The following LRRC8A variants were observed in gnomAD, a reference collection of about 807,000 sequenced individuals.
LRRC8A encodes the protein leucine rich repeat containing 8 VRAC subunit A.
In LRRC8A, 24 loss-of-function variants were observed where a neutral mutation model predicts 52.5. The ratio of observed to expected loss-of-function variants is 0.46; its 90% CI spans 0.33 to 0.64. LRRC8A has a LOEUF of 0.64. Ranked by LOEUF, LRRC8A falls within the 30% of genes least tolerant of loss-of-function variation. LRRC8A has a pLI of 0.02. For synonymous variants in LRRC8A, 492 were observed against 494.2 expected (o/e 1.00, Z 0.06); for missense variants, 677 against 1,094.7 (o/e 0.62, Z 5.38).
Position 128,916,140 on chromosome 9 carries a change from G to A in LRRC8A, c.2202G>A (p.Arg734=). 6.2e-7 allele frequency: 1 copy of A among 1,612,890 alleles called. No homozygotes were observed. Among genetic ancestry groups the A allele is most frequent in the Non-Finnish European group, 8.5e-7 (1 of 1,179,472 alleles). The change falls in exon 4 of 4, where the codon CGG becomes CGA. Residue 734 remains arginine (R), a synonymous_variant. Coordinates refer to ENST00000372600, the MANE Select transcript of LRRC8A (RefSeq NM_019594.4). This position sits in a 1 kb window ranked among gnomAD's most constrained non-coding sequence, Gnocchi z 6.1. ...PPELFQCRKL[R]ALHLGNNVLQ... ...AGCTCTTCCAGTGCCGGAAGCTGCG[G>A]GCCCTGCACCTGGGCAACAACGTGC...
At chr9:128,883,009 C>T (rs1839168202) in intron 1 of LRRC8A, 1 of 377,794 alleles carries the variant, frequency 2.6e-6, no homozygotes, top group Non-Finnish European at 4.7e-6. Flanking sequence ...ACTGCTTCTT[C>T]CCCTTGATCT....
chr9:128,899,287 G>A lies in LRRC8A; in HGVS notation c.-8-7870G>A, dbSNP rs940951343. On this transcript the variant is annotated intron_variant, in intron 2 of 3. Coordinates refer to ENST00000372600, the MANE Select transcript of LRRC8A (RefSeq NM_019594.4). The surrounding 1 kb of genome is among the most constrained non-coding windows in gnomAD (Gnocchi z 4.0). ...GGGAGGATAAGCAAGGGCACTTTCCGTAAGGCAGAGATAGCCCAGCCACCC... is the reference window on the plus strand; with the variant it reads ...GGGAGGATAAGCAAGGGCACTTTCCATAAGGCAGAGATAGCCCAGCCACCC... 5.9e-5 allele frequency among the ~76,000 whole-genome samples: 9 copies of A among 152,134 alleles called. No individual in the cohort carries two copies. The highest frequency in any genetic ancestry group is 8.8e-5 in the Non-Finnish European group (6 of 68,028).
Position 128,882,135 on chromosome 9 carries a change from G to A in LRRC8A, c.-231G>A, listed in dbSNP as rs1351444106. 6.6e-6 allele frequency: 1 copy of A among 152,348 alleles called. No individual in the cohort carries two copies. The highest frequency in any genetic ancestry group is 1.5e-5 in the Non-Finnish European group (1 of 68,112). The allele number at this position is 152,348 out of a possible 1,614,324, so 9.4% of individuals were successfully genotyped here. On this transcript the variant is annotated 5_prime_UTR_variant, in exon 1 of 4. In the 5' UTR this introduces an upstream ATG that the reference lacks. Transcript: ENST00000372600. ...TCACTTCCGGGGCGGAGGAGGCTGA[G>A]TGGTGCAGTGAGGGACAAACAAAAG...
chr9:128,887,799 G>A (rs1460420549), intron 2 of LRRC8A, among the ~76,000 whole-genome samples: 3 of 151,932 alleles, frequency 2.0e-5, no homozygotes, highest in Non-Finnish European at 2.9e-5. Context: ...CCGCCACCAC[G>A]CCCGGCTAAT....
chr9:128,915,959 G>A, intron 3 of LRRC8A, 137 bp from the exon 4 acceptor site: 1 of 1,067,888 alleles, frequency 9.4e-7, no homozygotes, highest in East Asian at 2.4e-5. Flanking sequence ...GCCAGAGTTT[G>A]GCCCAGATTG....
intron 2 of LRRC8A, among the ~76,000 whole-genome samples, chr9:128,903,079 T>TA (rs1245306802): frequency 6.6e-6 from 1 of 152,168 alleles, no homozygotes; most frequent in Non-Finnish European, 1.5e-5. Flanking sequence ...GGTTTGTTCT[T>TA]ACTCTACTCT....
At chr9:128,891,129 G>C (rs369167814) in intron 2 of LRRC8A, among the ~76,000 whole-genome samples, 1 of 152,056 alleles carries the variant, frequency 6.6e-6, no homozygotes, top group Non-Finnish European at 1.5e-5. Flanking sequence ...AAAATCAGCC[G>C]GGTATGGTGA....
chr9:128,890,324 A>G (rs761914946), intron 2 of LRRC8A, among the ~76,000 whole-genome samples: 1 of 152,096 alleles, frequency 6.6e-6, no homozygotes, highest in Admixed American at 6.6e-5. Flanking sequence ...GTCTACATCT[A>G]AACGTCTCTT....
In LRRC8A at chr9:128,882,238, G is replaced by C. The variant is rs951169612; in HGVS notation, c.-128G>C. 6.5e-6 allele frequency: 1 copy of C among 152,894 alleles called. No homozygotes were observed. The highest frequency in any genetic ancestry group is 2.4e-5 in the African/African-American group (1 of 41,422). 9.5% of individuals were successfully genotyped at this position (152,894 alleles called of 1,614,324 possible). On this transcript the variant is annotated 5_prime_UTR_variant, in exon 1 of 4. Coordinates refer to ENST00000372600, the MANE Select transcript of LRRC8A (RefSeq NM_019594.4). ...GGGGCTGCCTGCCGGGCGGCCGGGC[G>C]CGGCGAGCCCAGGTGAGTGGACGGG...
chr9:128,888,378 C>T (rs1039647436), intron 2 of LRRC8A, among the ~76,000 whole-genome samples: 6 of 152,244 alleles, frequency 3.9e-5, no homozygotes, highest in Admixed American at 3.9e-4. Context: ...AGGGGACACA[C>T]ATGAATCAAG....
intron 2 of LRRC8A, among the ~76,000 whole-genome samples, chr9:128,891,675 A>T (rs1839626766): frequency 6.6e-6 from 1 of 152,210 alleles, no homozygotes; most frequent in African/African-American, 2.4e-5. Context: ...TCCTTATAGC[A>T]GTACCCGTGA....
intron 3 of LRRC8A, among the ~76,000 whole-genome samples, chr9:128,912,502 T>G (rs1840593676): frequency 6.1e-5 from 1 of 16,298 alleles, no homozygotes; most frequent in Non-Finnish European, 2.1e-4. Context: ...GAGGTGGGGC[T>G]ATGGGGGGGG....
Position 128,917,023 on chromosome 9 carries a change from G to GT in LRRC8A, c.*658dup, listed in dbSNP as rs1442977067. 4 of 138,906 alleles carry GT rather than the reference G, an allele frequency of 2.9e-5. No homozygotes were observed. The highest frequency in any genetic ancestry group is 4.7e-4 in the South Asian group (2 of 4,272). The allele number at this position is 138,906 out of a possible 1,614,324, so 8.6% of individuals were successfully genotyped here. On this transcript the variant is annotated 3_prime_UTR_variant, in exon 4 of 4. Coordinates refer to ENST00000372600, the MANE Select transcript of LRRC8A (RefSeq NM_019594.4). ...CTCTTCAGTATTTGTGGCAGTTTTA[G>GT]TTTTTTGTTTTTTTTTTTTTAATCA...
In LRRC8A at chr9:128,882,657, C is replaced by T. The variant is rs201657346; in HGVS notation, c.-116+407C>T. On this transcript the variant is annotated intron_variant, in intron 1 of 3. Transcript: ENST00000372600. Reference sequence around the variant, plus strand: ...TTGCCATTTCTTTTTCAAAGATTTCCTTAGCTGTCTTCTCCTGAGTTCCTG... The same window carrying T: ...TTGCCATTTCTTTTTCAAAGATTTCTTTAGCTGTCTTCTCCTGAGTTCCTG... The T allele has an allele frequency of 2.0e-5, 8 of 399,220 alleles. No homozygotes were observed. The East Asian group carries it at 2.5e-4, about 12-fold the overall frequency. The allele number at this position is 399,220 out of a possible 1,614,324, so 24.7% of individuals were successfully genotyped here.
chr9:128,909,965 T>C (rs1266155790), intron 3 of LRRC8A, among the ~76,000 whole-genome samples: 1 of 152,198 alleles, frequency 6.6e-6, no homozygotes, highest in Non-Finnish European at 1.5e-5. Flanking sequence ...GTGCAAATCA[T>C]TGTCACTGGG....
intron 2 of LRRC8A, among the ~76,000 whole-genome samples, chr9:128,891,220 C>T (rs531230871): frequency 2.0e-5 from 3 of 152,016 alleles, no homozygotes; most frequent in South Asian, 4.2e-4. Context: ...TGCAGTGAGC[C>T]GAGATTGTGC....
Position 128,907,929 on chromosome 9 carries a change from G to A in LRRC8A, c.765G>A (p.Glu255=), listed in dbSNP as rs1840320186. 1 of 1,614,144 alleles carries A rather than the reference G, an allele frequency of 6.2e-7. No individual in the cohort carries two copies. Among genetic ancestry groups the A allele is most frequent in the Non-Finnish European group, 8.5e-7 (1 of 1,180,030 alleles). The change falls in exon 3 of 4, where the codon GAG becomes GAA. Residue 255 remains glutamate, a synonymous_variant. Transcript: ENST00000372600. This position sits in a 1 kb window ranked among gnomAD's most constrained non-coding sequence, Gnocchi z 9.3. ...EKVKKFRTHV[E]EGDIVYRLYM... ...TGAAGAAGTTCCGGACCCATGTGGA[G>A]GAGGGGGACATTGTGTACCGCCTCT...
rs755641672 is a variant in LRRC8A, at chr9:128,907,536, C to T, written c.372C>T (p.Tyr124=). Residue 124 remains tyrosine, a synonymous_variant, in exon 3 of 4, where the codon TAC becomes TAT. Coordinates refer to ENST00000372600, the MANE Select transcript of LRRC8A (RefSeq NM_019594.4). This position sits in a 1 kb window ranked among gnomAD's most constrained non-coding sequence, Gnocchi z 9.3. ...ACCGACTGCACTGGTTTGCCAAGTA[C>T]TTCCCCTACCTGGTGCTTCTGCACA... ...YENRLHWFAK[Y]FPYLVLLHTL... The T allele has an allele frequency of 3.7e-6, 6 of 1,614,068 alleles. No homozygotes were observed. Among genetic ancestry groups the T allele is most frequent in the Middle Eastern group, 3.3e-4 (2 of 6,084 alleles).
chr9:128,913,959 C>G (rs867084881), intron 3 of LRRC8A, among the ~76,000 whole-genome samples: 2 of 152,210 alleles, frequency 1.3e-5, no homozygotes, highest in South Asian at 4.1e-4. Context: ...AATCCCAACA[C>G]TTTGGGAGGC....
Sources: gnomAD v4.1 joint callset for allele counts (sites outside exome capture counted in the v4.1 genomes callset) on GRCh38, gnomAD v4.1.1 for gene constraint, Gnocchi (gnomAD v3.1) non-coding constraint, MANE v1.5 for transcripts, NCBI Gene and HGNC (gene_info 2026-07-23, HGNC 2026-07-21) for gene names.